Variants in CCDC158 observed in about 807,000 individuals in gnomAD.
The protein encoded by CCDC158 is coiled-coil domain-containing protein 158.
In CCDC158, 116 loss-of-function variants were observed where a neutral mutation model predicts 138.6. That is an observed-to-expected ratio of 0.84 (90% CI 0.72 to 0.98). The LOEUF is 0.98. Among genes scored for constraint, CCDC158 ranks in the 50% least tolerant of loss-of-function variants. CCDC158 has a pLI of 0.00. For missense variants in CCDC158, 1,265 were observed against 1,306.1 expected (o/e 0.97, Z 0.48); for synonymous variants, 436 against 442.4 (o/e 0.99, Z 0.18).
chr4:76,369,839 A>G (rs1035961764), intron 10 of CCDC158, among the ~76,000 whole-genome samples: 1 of 152,180 alleles, frequency 6.6e-6, no homozygotes, highest in Non-Finnish European at 1.5e-5. Flanking sequence ...ATCTCGAGGG[A>G]CTAGACCTCA....
At chr4:76,326,554 T>C (rs1170715841) in intron 22 of CCDC158, among the ~76,000 whole-genome samples, 1 of 152,140 alleles carries the variant, frequency 6.6e-6, no homozygotes, top group Non-Finnish European at 1.5e-5. Flanking sequence ...ATTCTTCTTA[T>C]CTGCATGAAA....
intron 2 of CCDC158, among the ~76,000 whole-genome samples, chr4:76,403,975 C>A (rs1728614587): frequency 6.6e-6 from 1 of 151,974 alleles, no homozygotes; most frequent in South Asian, 2.1e-4. Flanking sequence ...AAAGTAAAGG[C>A]CAAAATATTA....
intron 4 of CCDC158, among the ~76,000 whole-genome samples, chr4:76,387,625 C>A (rs560061720): frequency 6.6e-6 from 1 of 151,800 alleles, no homozygotes; most frequent in Non-Finnish European, 1.5e-5. Context: ...GAGTTTGAGA[C>A]CAGCCTGACC....
chr4:76,329,725 G>C (rs1186634040), intron 21 of CCDC158, among the ~76,000 whole-genome samples: 3 of 152,204 alleles, frequency 2.0e-5, no homozygotes, highest in Non-Finnish European at 2.9e-5. Flanking sequence ...TATGGCAGCA[G>C]TTCTCAAAGT....
chr4:76,392,750 A>G (rs1727428559), intron 4 of CCDC158, among the ~76,000 whole-genome samples: 1 of 151,932 alleles, frequency 6.6e-6, no homozygotes, highest in Admixed American at 6.6e-5. Flanking sequence ...TAAAGACTCC[A>G]CCAAAAAAAA....
chr4:76,403,185 G>T lies in CCDC158; in HGVS notation c.23C>A (p.Ser8Ter), dbSNP rs1465284956. 5.6e-6 allele frequency: 9 copies of T among 1,605,208 alleles called. No homozygotes were observed. Among genetic ancestry groups the T allele is most frequent in the Non-Finnish European group, 7.7e-6 (9 of 1,175,338 alleles). Reference protein sequence around the residue: MESKAWESNNEDLLSSSG... With the variant: MESKAWE ...ACTTGATAAAAGATCTTCATTATTT[G>T]ATTCCCAAGCTTTTGATTCCATATT... is the stretch of plus-strand genomic sequence containing the variant. The change falls in exon 3 of 25, where the codon TCA becomes TAA. Residue 8 changes from serine to a stop codon, truncating the protein, a stop_gained. Coordinates refer to ENST00000682701, the MANE Select transcript of CCDC158 (RefSeq NM_001394954.1). LOFTEE classifies it high-confidence loss of function.
intron 1 of CCDC158, among the ~76,000 whole-genome samples, chr4:76,420,637 C>G (rs1280828731): frequency 6.6e-6 from 1 of 152,194 alleles, no homozygotes; most frequent in African/African-American, 2.4e-5. Context: ...TCCCCCTGTT[C>G]GCGGCAGCGC....
At chr4:76,329,135 T>C (rs1234269384) in intron 21 of CCDC158, among the ~76,000 whole-genome samples, 168 bp from the exon 22 acceptor site, 1 of 152,194 alleles carries the variant, frequency 6.6e-6, no homozygotes, top group Admixed American at 6.5e-5. Context: ...AGGTTCAAAG[T>C]TGCATTATCT....
At chr4:76,379,006 G>A (rs929429515) in intron 9 of CCDC158, among the ~76,000 whole-genome samples, 5 of 151,988 alleles carry the variant, frequency 3.3e-5, no homozygotes, top group Admixed American at 1.3e-4. Context: ...CTAAAGTTTA[G>A]CTAAGTAAAA....
intron 18 of CCDC158, chr4:76,344,793 T>A: frequency 6.2e-7 from 1 of 1,607,440 alleles, no homozygotes; most frequent in Non-Finnish European, 8.5e-7. Context: ...GAAGCCCGAC[T>A]TCAATGGTCC....
chr4:76,360,053 C>A (rs966737981), intron 13 of CCDC158, among the ~76,000 whole-genome samples: 2 of 152,216 alleles, frequency 1.3e-5, no homozygotes, highest in African/African-American at 4.8e-5. Context: ...GGACATGGTG[C>A]CCTGCATTTC....
intron 4 of CCDC158, among the ~76,000 whole-genome samples, chr4:76,392,849 G>A (rs1727436846): frequency 6.6e-6 from 1 of 151,718 alleles, no homozygotes; most frequent in East Asian, 1.9e-4. Flanking sequence ...CCAACAGTGA[G>A]CAATCTGAAA....
intron 18 of CCDC158, among the ~76,000 whole-genome samples, chr4:76,336,975 T>C (rs1721571849): frequency 6.6e-6 from 1 of 152,202 alleles, no homozygotes; most frequent in Non-Finnish European, 1.5e-5. Flanking sequence ...ACTACAACAA[T>C]AGAAATGTCT....
chr4:76,375,812 G>A, intron 9 of CCDC158: 1 of 538,542 alleles, frequency 1.9e-6, no homozygotes. Flanking sequence ...ATGTTCACCA[G>A]CATAAAATAA....
At chr4:76,416,082 A>C (rs975071675) in intron 1 of CCDC158, among the ~76,000 whole-genome samples, 7 of 152,172 alleles carry the variant, frequency 4.6e-5, no homozygotes, top group African/African-American at 1.7e-4. Context: ...GCAGTAGCAA[A>C]TTAGTGAAAG....
At chr4:76,362,061 G>A in intron 13 of CCDC158, 65 bp downstream of exon 13, 2 of 1,333,660 alleles carry the variant, frequency 1.5e-6, no homozygotes, top group South Asian at 1.3e-5. Flanking sequence ...ATTGTGCTAG[G>A]GTCTACATTG....
chr4:76,379,343 C>G lies in CCDC158; in HGVS notation c.976G>C (p.Val326Leu). 2 of 1,610,272 alleles carry G rather than the reference C, an allele frequency of 1.2e-6. No individual in the cohort carries two copies. The highest frequency in any genetic ancestry group is 1.7e-6 in the Non-Finnish European group (2 of 1,178,782). ...CTTAATTCAGAACGTAGCTGAGAAA[C>G]AGTAGATTCCAGATCGCTGAGCTGA... ...MRQLSDLESTVSQLRSELREA... is the reference protein window; with the variant it reads ...MRQLSDLESTLSQLRSELREA... Residue 326 changes from valine (V) to leucine (L), a missense_variant, in exon 9 of 25, where the codon GTT (valine) becomes CTT (leucine). By Grantham distance (32) the Val-to-Leu change is conservative. Transcript: ENST00000682701.
At chr4:76,383,119 C>CA (rs1726433652) in intron 7 of CCDC158, among the ~76,000 whole-genome samples, 1 of 152,156 alleles carries the variant, frequency 6.6e-6, no homozygotes, top group Admixed American at 6.5e-5. Flanking sequence ...AAATGAGTGA[C>CA]AAAAACTCTC....
intron 9 of CCDC158, among the ~76,000 whole-genome samples, chr4:76,372,683 A>G (rs1725353811): frequency 6.6e-6 from 1 of 152,182 alleles, no homozygotes; most frequent in Admixed American, 6.5e-5. Context: ...TTATTTAACC[A>G]TTCTAACCCT....
Sources: allele counts gnomAD v4.1 joint callset (sites outside exome capture counted in the v4.1 genomes callset), GRCh38; gene constraint gnomAD v4.1.1; transcripts MANE v1.5; gene names NCBI Gene and HGNC (gene_info 2026-07-23, HGNC 2026-07-21).